PPM1E: variants seen among roughly 807,000 people sequenced by gnomAD.
The protein encoded by PPM1E is protein phosphatase, Mg2+/Mn2+ dependent 1E.
A neutral mutation model predicts 65.9 loss-of-function variants in PPM1E; 20 were observed. The ratio of observed to expected loss-of-function variants is 0.30; its 90% CI spans 0.21 to 0.44. The LOEUF (loss-of-function observed/expected upper bound fraction) is 0.44, where lower values mean the gene tolerates loss of function less well. PPM1E is among the 20% of genes least tolerant of loss of function. The probability of loss-of-function intolerance (pLI) is 1.00; values close to 1 mark genes in which losing one functional copy is unlikely to be tolerated. For missense variants in PPM1E, 713 were observed against 953.1 expected, an observed-to-expected ratio of 0.75 and a Z score of 3.32; for synonymous variants, 352 against 374.9, an observed-to-expected ratio of 0.94 and a Z score of 0.70.
chr17:58,856,936 G>A (rs1277673003), intron 1 of PPM1E, among the ~76,000 whole-genome samples: 1 of 152,076 alleles, frequency 6.6e-6, no homozygotes, highest in East Asian at 1.9e-4. Context: ...CTATATGGAA[G>A]TTTTTTTAAG....
chr17:58,804,718 T>A (rs1598581418), intron 1 of PPM1E, among the ~76,000 whole-genome samples: 1 of 152,188 alleles, frequency 6.6e-6, no homozygotes, highest in Admixed American at 6.5e-5. Context: ...TACAGAATCT[T>A]CCTGCCATTA....
rs573197865 is a variant in PPM1E at position 58,778,820 on chromosome 17, G to C, written c.464+22359G>C. Among the ~76,000 whole-genome samples, 13 of 151,056 alleles carry C rather than the reference G, an allele frequency of 8.6e-5. No individual in the cohort carries two copies. The East Asian group carries it at 2.5e-3, about 29-fold the overall frequency. ...GAATTTTTGAAACTATGGGGAAAAA[G>C]AACAAAACTTACTTGTATTTTGCCA... On this transcript the variant is annotated intron_variant, in intron 1 of 6. Transcript: ENST00000308249.
At chr17:58,795,460 TG>T (rs1375586677) in intron 1 of PPM1E, among the ~76,000 whole-genome samples, 1 of 152,148 alleles carries the variant, frequency 6.6e-6, no homozygotes, top group Non-Finnish European at 1.5e-5. Flanking sequence ...CTCAGCACTT[TG>T]GGAAGCTGAG....
intron 1 of PPM1E, among the ~76,000 whole-genome samples, chr17:58,921,932 C>T (rs548612557): frequency 2.0e-5 from 3 of 150,904 alleles, no homozygotes; most frequent in African/African-American, 2.4e-5. Context: ...CCCAGCTACT[C>T]GGGAGGCTGA....
chr17:58,979,908 A>G (rs1465728081), intron 6 of PPM1E, 66 bp from the exon 7 acceptor site: 4 of 1,299,336 alleles, frequency 3.1e-6, no homozygotes, highest in Non-Finnish European at 4.3e-6. Flanking sequence ...GGCATTGGTC[A>G]TAAACGTTCT....
intron 1 of PPM1E, among the ~76,000 whole-genome samples, chr17:58,867,577 G>A (rs761140573): frequency 3.3e-5 from 5 of 152,136 alleles, no homozygotes; most frequent in Non-Finnish European, 5.9e-5. Context: ...TTGACTGGAG[G>A]AGCTAAGATA....
At chr17:58,875,893 A>G (rs934523611) in intron 1 of PPM1E, among the ~76,000 whole-genome samples, 16 of 152,204 alleles carry the variant, frequency 1.1e-4, no homozygotes, top group Non-Finnish European at 2.2e-4. Flanking sequence ...ATGTTGACAC[A>G]TCTGTACTAT....
chr17:58,786,231 G>A (rs1184272187), intron 1 of PPM1E, among the ~76,000 whole-genome samples: 1 of 151,802 alleles, frequency 6.6e-6, no homozygotes, highest in Non-Finnish European at 1.5e-5. Context: ...AGCCAGGATG[G>A]TCTCCGTCTC....
At chr17:58,871,156 C>T (rs1224069292) in intron 1 of PPM1E, among the ~76,000 whole-genome samples, 1 of 152,094 alleles carries the variant, frequency 6.6e-6, no homozygotes, top group Non-Finnish European at 1.5e-5. Context: ...CTTATTTCAG[C>T]CTCCCAAGTA....
At chr17:58,827,239 G>A (rs957892353) in intron 1 of PPM1E, among the ~76,000 whole-genome samples, 2 of 148,464 alleles carry the variant, frequency 1.3e-5, no homozygotes, top group South Asian at 2.1e-4. Context: ...CTGGGTTCAA[G>A]CGATTCTCCT....
At chr17:58,943,436 A>C (rs536117314) in intron 1 of PPM1E, among the ~76,000 whole-genome samples, 11 of 152,346 alleles carry the variant, frequency 7.2e-5, no homozygotes, top group African/African-American at 2.6e-4. Flanking sequence ...TAGATGAAAA[A>C]GTCATGCCAT....
At chr17:58,896,020 C>A (rs2051409723) in intron 1 of PPM1E, among the ~76,000 whole-genome samples, 1 of 145,088 alleles carries the variant, frequency 6.9e-6, no homozygotes. Flanking sequence ...GAGGCTGAGG[C>A]AGAAGAATGG....
intron 1 of PPM1E, among the ~76,000 whole-genome samples, chr17:58,798,821 G>GT (rs1346688064): frequency 2.6e-5 from 4 of 151,922 alleles, no homozygotes; most frequent in Non-Finnish European, 5.9e-5. Flanking sequence ...AGCCTCCTGA[G>GT]TAGCTGAGAT....
intron 1 of PPM1E, among the ~76,000 whole-genome samples, chr17:58,783,960 C>T (rs1416741593): frequency 6.6e-6 from 1 of 151,774 alleles, no homozygotes; most frequent in Non-Finnish European, 1.5e-5. Flanking sequence ...ATCCACCTGC[C>T]TCAGCCTCCC....
At chr17:58,957,075 A>G (rs1035818345) in intron 2 of PPM1E, among the ~76,000 whole-genome samples, 1 of 152,228 alleles carries the variant, frequency 6.6e-6, no homozygotes, top group Non-Finnish European at 1.5e-5. Flanking sequence ...TGATGCATAG[A>G]GTAAAAGCCT....
At chr17:58,794,288 C>T (rs969374066) in intron 1 of PPM1E, among the ~76,000 whole-genome samples, 2 of 151,612 alleles carry the variant, frequency 1.3e-5, no homozygotes, top group Non-Finnish European at 2.9e-5. Context: ...CTGTGTTGCC[C>T]AGGCTGGTCT....
intron 1 of PPM1E, among the ~76,000 whole-genome samples, chr17:58,888,362 CTTTT>C (rs71367642): frequency 9.6e-6 from 1 of 104,490 alleles, no homozygotes; most frequent in Non-Finnish European, 1.9e-5. Context: ...ACTCTTCTCT[CTTTT>C]TTTTTTTTTT....
At chr17:58,774,411 T>C (rs1341519091) in intron 1 of PPM1E, among the ~76,000 whole-genome samples, 2 of 152,132 alleles carry the variant, frequency 1.3e-5, no homozygotes, top group African/African-American at 4.8e-5. Flanking sequence ...GAAAGTTCAA[T>C]CTAAAAAAGC....
intron 1 of PPM1E, among the ~76,000 whole-genome samples, chr17:58,917,018 G>T (rs1019576101): frequency 6.6e-6 from 1 of 151,788 alleles, no homozygotes; most frequent in Non-Finnish European, 1.5e-5. Flanking sequence ...GAGACCAGCC[G>T]AGCCAACATG....
Sources: allele counts gnomAD v4.1 joint callset (sites outside exome capture counted in the v4.1 genomes callset), GRCh38; gene constraint gnomAD v4.1.1; transcripts MANE v1.5; gene names NCBI Gene and HGNC (gene_info 2026-07-23, HGNC 2026-07-21).